The following PDCD6 variants were observed in gnomAD, a reference collection of about 807,000 sequenced individuals.
The protein encoded by PDCD6 is programmed cell death 6.
Under a neutral mutation model 28.3 loss-of-function variants are expected in PDCD6, and 12 were observed. The ratio of observed to expected loss-of-function variants is 0.42; its 90% CI spans 0.27 to 0.69. The LOEUF (loss-of-function observed/expected upper bound fraction) is 0.69, where lower values mean the gene tolerates loss of function less well. Ranked by LOEUF, PDCD6 falls within the 30% of genes least tolerant of loss-of-function variation. The pLI is 0.22. For missense variants in PDCD6, 226 were observed against 269.9 expected (o/e 0.84, Z 1.14); for synonymous variants, 92 against 108.0 (o/e 0.85, Z 0.92).
chr5:276,892 A>G (rs908908523), intron 2 of PDCD6: 25 of 984,792 alleles, frequency 2.5e-5, no homozygotes, highest in Non-Finnish European at 3.0e-5. Flanking sequence ...AGGTATGAAG[A>G]AGAAGACTGT....
intron 2 of PDCD6, among the ~76,000 whole-genome samples, chr5:294,211 T>C (rs1739459245): frequency 6.6e-6 from 1 of 151,502 alleles, no homozygotes. Flanking sequence ...TGTCATAAAT[T>C]TAAAATTATA....
chr5:290,950 A>G (rs1456424232), intron 2 of PDCD6, among the ~76,000 whole-genome samples: 3 of 152,234 alleles, frequency 2.0e-5, no homozygotes, highest in South Asian at 2.1e-4. Context: ...TAAGTATTGA[A>G]TAGAAATAAA....
At chr5:313,043 C>T (rs1001164152) in intron 5 of PDCD6, among the ~76,000 whole-genome samples, 2 of 152,208 alleles carry the variant, frequency 1.3e-5, no homozygotes, top group African/African-American at 4.8e-5. Flanking sequence ...CAAGGCACAT[C>T]TGCAGCCAGC....
intron 2 of PDCD6, among the ~76,000 whole-genome samples, chr5:303,019 T>A (rs1465204722): frequency 6.6e-6 from 1 of 152,190 alleles, no homozygotes; most frequent in Non-Finnish European, 1.5e-5. Context: ...ATTTAACTTC[T>A]GGGCTGGGAG....
At chr5:289,138 T>C (rs1457399603) in intron 2 of PDCD6, 26 of 1,126,590 alleles carry the variant, frequency 2.3e-5, no homozygotes, top group Non-Finnish European at 3.1e-5. Flanking sequence ...ATCATTTCTC[T>C]TGATGTCATA....
chr5:283,960 A>T, intron 2 of PDCD6, among the ~76,000 whole-genome samples: 1 of 149,144 alleles, frequency 6.7e-6, no homozygotes, highest in Non-Finnish European at 1.5e-5. Flanking sequence ...TGAGGGACCT[A>T]CAGCTGAAGA....
chr5:284,670 G>T, intron 2 of PDCD6, among the ~76,000 whole-genome samples: 1 of 93,150 alleles, frequency 1.1e-5, no homozygotes, highest in Non-Finnish European at 1.9e-5. Context: ...GGGAGCTGAT[G>T]TTCCAGTTTG....
chr5:281,570 C>G (rs1252401194), intron 2 of PDCD6, among the ~76,000 whole-genome samples: 1 of 151,748 alleles, frequency 6.6e-6, no homozygotes, highest in Non-Finnish European at 1.5e-5. Flanking sequence ...CTGTGAGGAG[C>G]TGATGTTATT....
At chr5:280,706 G>A (rs1257417562) in intron 2 of PDCD6, among the ~76,000 whole-genome samples, 3 of 151,076 alleles carry the variant, frequency 2.0e-5, no homozygotes, top group African/African-American at 4.9e-5. Context: ...CAGAGGGCAG[G>A]GCTGTGAGGG....
At position 271,671 on chromosome 5, in the gene PDCD6, G is replaced by A. The variant is rs774202961; in HGVS notation, c.-50G>A. On this transcript the variant is annotated 5_prime_UTR_variant, in exon 1 of 6. Transcript: ENST00000264933. ...AGAGGCGGAAGCGGAGTCGGCCTGA[G>A]AGGTCTCTCGTCGCTGCAGGCGCCT... is the stretch of plus-strand genomic sequence containing the variant. The A allele has an allele frequency of 9.2e-7, 1 of 1,088,840 alleles. No homozygotes were observed. The highest frequency in any genetic ancestry group is 1.3e-5 in the South Asian group (1 of 75,474). The allele number at this position is 1,088,840 out of a possible 1,614,324, so 67.4% of individuals were successfully genotyped here.
rs560785096 is a variant in PDCD6 at position 307,518 on chromosome 5, C to T, written c.367+758C>T. On this transcript the variant is annotated intron_variant, in intron 4 of 5. Transcript: ENST00000264933. This position sits in a 1 kb window ranked among gnomAD's most constrained non-coding sequence, Gnocchi z 6.1. ...TCACAGTGCCTGTCCAGAGTGCGTC[C>T]ATAGGGCCTGTCCACGGGGCTTCCC... is the stretch of plus-strand genomic sequence containing the variant. Among the ~76,000 whole-genome samples the T allele has an allele frequency of 1.1e-4, 16 of 152,316 alleles. No homozygotes were observed. Among genetic ancestry groups the T allele is most frequent in the Admixed American group, 3.3e-4 (5 of 15,310 alleles).
At chr5:295,065 G>C (rs1372229069) in intron 2 of PDCD6, among the ~76,000 whole-genome samples, 1 of 152,320 alleles carries the variant, frequency 6.6e-6, no homozygotes, top group African/African-American at 2.4e-5. Context: ...GTGAGCACCT[G>C]CACCTCACTG....
intron 2 of PDCD6, among the ~76,000 whole-genome samples, chr5:299,070 A>G (rs896521198): frequency 1.2e-3 from 1 of 812 alleles, no homozygotes; most frequent in Non-Finnish European, 2.1e-3. Context: ...GCTCCCCCCC[A>G]GCTGTTCTCA....
chr5:286,505 G>A (rs1412873582), intron 2 of PDCD6, among the ~76,000 whole-genome samples: 2 of 151,842 alleles, frequency 1.3e-5, no homozygotes, highest in Admixed American at 6.5e-5. Flanking sequence ...CCTTCCAGCC[G>A]GAGACCCGGG....
chr5:298,505 G>A (rs1739760922), intron 2 of PDCD6, among the ~76,000 whole-genome samples: 2 of 151,926 alleles, frequency 1.3e-5, no homozygotes. Context: ...TCCAAGCTCT[G>A]TGGGGCTCCG....
chr5:289,412 T>C (rs1561038083), intron 2 of PDCD6: 5 of 667,288 alleles, frequency 7.5e-6, no homozygotes, highest in Non-Finnish European at 1.4e-5. Context: ...CTCAATACCT[T>C]CTTCTTCCTC....
At chr5:288,351 GC>G in intron 2 of PDCD6, among the ~76,000 whole-genome samples, 2 of 147,236 alleles carry the variant, frequency 1.4e-5, no homozygotes, top group South Asian at 4.2e-4. Context: ...ATTGTACGTA[GC>G]CGGACAATAA....
Position 273,094 on chromosome 5 carries a change from A to G in PDCD6, c.163+322A>G, listed in dbSNP as rs577307352. On this transcript the variant is annotated intron_variant, in intron 2 of 5. Transcript: ENST00000264933. ...AGCCGAAAGCCTTTTGGTAAGTTGG[A>G]GGTCCTTGAATTTCCTGGGTGACTG... The G allele has an allele frequency of 1.2e-4, 37 of 298,298 alleles. No individual in the cohort carries two copies. In the East Asian group the frequency reaches 1.4e-3, roughly 11 times the overall value. 18.5% of individuals were successfully genotyped at this position (298,298 alleles called of 1,614,324 possible). A position where few individuals can be genotyped will look rare whatever the true frequency, so the allele number is the denominator to read the frequency against.
intron 2 of PDCD6, among the ~76,000 whole-genome samples, chr5:281,037 A>AT (rs375538977): frequency 6.6e-6 from 1 of 152,400 alleles, no homozygotes; most frequent in Non-Finnish European, 1.5e-5. Context: ...GGCAGAGAGA[A>AT]ATAAGATCGC....
Sources: allele counts gnomAD v4.1 joint callset (sites outside exome capture counted in the v4.1 genomes callset), GRCh38; gene constraint gnomAD v4.1.1; non-coding constraint Gnocchi (gnomAD v3.1); transcripts MANE v1.5; gene names NCBI Gene and HGNC (gene_info 2026-07-23, HGNC 2026-07-21).